AOAH: variants seen among roughly 807,000 people sequenced by gnomAD.
The protein encoded by AOAH is acyloxyacyl hydrolase (neutrophil).
In AOAH, 64 loss-of-function variants were observed where a neutral mutation model predicts 92.2. The ratio of observed to expected loss-of-function variants is 0.69; its 90% CI spans 0.57 to 0.86. The LOEUF (loss-of-function observed/expected upper bound fraction) is 0.86. Ranked by LOEUF, AOAH falls within the 40% of genes least tolerant of loss-of-function variation. The probability of loss-of-function intolerance (pLI) is 0.00; values close to 1 mark genes in which losing one functional copy is unlikely to be tolerated. For synonymous variants in AOAH, 263 were observed against 254.5 expected, an observed-to-expected ratio of 1.03 and a Z score of -0.32; for missense variants, 656 against 694.6, an observed-to-expected ratio of 0.94 and a Z score of 0.62.
intron 19 of AOAH, among the ~76,000 whole-genome samples, chr7:36,527,992 C>G (rs1784491519): frequency 6.6e-6 from 1 of 152,200 alleles, no homozygotes; most frequent in African/African-American, 2.4e-5. Context: ...TTCCTGAAAA[C>G]CAGATAGAAA....
chr7:36,530,633 G>A (rs1298364677), intron 18 of AOAH, 119 bp from the exon 19 acceptor site: 1 of 656,158 alleles, frequency 1.5e-6, no homozygotes, highest in African/African-American at 1.8e-5. Context: ...ATTTCTCCAA[G>A]CCATCAGCAG....
chr7:36,687,930 C>T (rs529261700), intron 1 of AOAH, among the ~76,000 whole-genome samples: 1 of 152,274 alleles, frequency 6.6e-6, no homozygotes, highest in East Asian at 1.9e-4. Context: ...AGTGAAGAAA[C>T]GAGAGTCTTC....
In AOAH at chr7:36,532,270, G is replaced by T; in HGVS notation, c.1365+16C>A. ...GGTAGGTAAGCGGGCCTTGAAGCAA[G>T]CCAGTGAGTGCTCACCTGGAGGCAG... On this transcript the variant is annotated intron_variant, in intron 17 of 20. Transcript: ENST00000617537. 6.2e-7 allele frequency: 1 copy of T among 1,614,104 alleles called. No individual in the cohort carries two copies. The highest frequency in any genetic ancestry group is 8.5e-7 in the Non-Finnish European group (1 of 1,179,954).
At position 36,678,600 on chromosome 7, in the gene AOAH, T is replaced by TGTGTGTGCGTGTGCGC. The variant is rs549317369; in HGVS notation, c.224-4592_224-4591insGCGCACACGCACACAC. On this transcript the variant is annotated intron_variant, in intron 2 of 20. Transcript: ENST00000617537. ...GTGTGTGTGTGTGTGTGTGTGTGTGTGCGCGCGCGCGCGCGTTAGAATTCT... is the reference window on the plus strand; with the variant it reads ...GTGTGTGTGTGTGTGTGTGTGTGTGTGTGTGTGCGTGTGCGCGCGCGCGCGCGCGCGTTAGAATTCT... Among the ~76,000 whole-genome samples the TGTGTGTGCGTGTGCGC allele has an allele frequency of 5.3e-5, 7 of 131,102 alleles. No individual in the cohort carries two copies. In the Admixed American group the frequency reaches 5.4e-4, roughly 10 times the overall value. The allele number at this position is 131,102 out of a possible 152,430, so 86.0% of individuals were successfully genotyped here.
intron 2 of AOAH, among the ~76,000 whole-genome samples, chr7:36,681,491 G>T (rs556220408): frequency 6.6e-6 from 1 of 152,234 alleles, no homozygotes; most frequent in African/African-American, 2.4e-5. Flanking sequence ...GAAAGATGGT[G>T]GTGGAGGCAG....
chr7:36,724,426 G>A lies in AOAH; in HGVS notation c.-278C>T. The stretch of plus-strand genomic sequence containing the variant: ...AGTCTGTGGTGTGCGGTTCTGCTGA[G>A]GTAAAGACTGCAGGATAAAGAAAAC... On this transcript the variant is annotated 5_prime_UTR_variant, in exon 1 of 21. Coordinates refer to ENST00000617537, the MANE Select transcript of AOAH (RefSeq NM_001637.4). 1 of 301,268 alleles carries A rather than the reference G, an allele frequency of 3.3e-6. No homozygotes were observed. The highest frequency in any genetic ancestry group is 6.6e-6 in the Non-Finnish European group (1 of 151,534). The allele number at this position is 301,268 out of a possible 1,614,324, so 18.7% of individuals were successfully genotyped here. A position where few individuals can be genotyped will look rare whatever the true frequency, so the allele number is the denominator to read the frequency against.
At chr7:36,591,943 T>A (rs1399172197) in intron 12 of AOAH, among the ~76,000 whole-genome samples, 1 of 152,220 alleles carries the variant, frequency 6.6e-6, no homozygotes, top group Non-Finnish European at 1.5e-5. Context: ...ATTCCTTGAG[T>A]GACTCCAGTA....
At chr7:36,514,418 C>A in intron 20 of AOAH, 2 of 1,357,800 alleles carry the variant, frequency 1.5e-6, no homozygotes, top group Non-Finnish European at 2.0e-6. Context: ...AGAGAGGAAT[C>A]CTTAGCTTAA....
At chr7:36,569,567 ATATCTATCTATCTATCTATCTATCTATC>A (rs56357618) in intron 13 of AOAH, among the ~76,000 whole-genome samples, 35 of 143,286 alleles carry the variant, frequency 2.4e-4, no homozygotes, top group African/African-American at 7.1e-4. Flanking sequence ...CCAGATTTAC[ATATCTATCTATCTATCTATCTATCTATC>A]TATCTATCTA....
intron 1 of AOAH, among the ~76,000 whole-genome samples, chr7:36,688,251 CTT>C (rs1324358290): frequency 3.3e-5 from 5 of 152,156 alleles, no homozygotes; most frequent in African/African-American, 7.2e-5. Context: ...TAAAAAATAA[CTT>C]TTCAAAAAAT....
At chr7:36,703,591 G>A (rs1479518703) in intron 1 of AOAH, among the ~76,000 whole-genome samples, 3 of 151,956 alleles carry the variant, frequency 2.0e-5, no homozygotes, top group Non-Finnish European at 2.9e-5. Context: ...TCCCCTCCCT[G>A]TGCCCATGTG....
intron 1 of AOAH, among the ~76,000 whole-genome samples, chr7:36,687,088 G>A (rs1191740331): frequency 6.6e-6 from 1 of 152,136 alleles, no homozygotes; most frequent in Non-Finnish European, 1.5e-5. Context: ...CTTGGTAGAA[G>A]GAGAATCCAG....
At chr7:36,585,294 A>C (rs1789239213) in intron 12 of AOAH, among the ~76,000 whole-genome samples, 1 of 152,124 alleles carries the variant, frequency 6.6e-6, no homozygotes, top group African/African-American at 2.4e-5. Flanking sequence ...AGTAGTCAGG[A>C]GGTTACAAGT....
intron 9 of AOAH, among the ~76,000 whole-genome samples, chr7:36,620,358 GGTAAATACTGA>G (rs979155433): frequency 1.3e-5 from 2 of 151,846 alleles, no homozygotes; most frequent in African/African-American, 4.8e-5. Flanking sequence ...TGAGTGGTCG[GGTAAATACTGA>G]GTAATTTCTG....
chr7:36,560,872 G>A (rs573442266), intron 13 of AOAH, among the ~76,000 whole-genome samples: 44 of 152,164 alleles, frequency 2.9e-4, no homozygotes, highest in Non-Finnish European at 5.4e-4. Context: ...TAAATTAGGA[G>A]TAATCAGTCC....
chr7:36,562,660 T>C (rs573832519), intron 13 of AOAH, among the ~76,000 whole-genome samples: 1 of 152,220 alleles, frequency 6.6e-6, no homozygotes, highest in Admixed American at 6.5e-5. Flanking sequence ...CCTCCATAAA[T>C]GCATATTCAG....
chr7:36,524,137 C>T (rs940898706), intron 19 of AOAH, among the ~76,000 whole-genome samples: 13 of 152,124 alleles, frequency 8.5e-5, no homozygotes, highest in African/African-American at 3.1e-4. Context: ...CCTTTTCCCA[C>T]TTTTCCCTTT....
intron 6 of AOAH, among the ~76,000 whole-genome samples, chr7:36,627,024 T>A (rs1021096009): frequency 4.6e-5 from 7 of 152,256 alleles, no homozygotes; most frequent in African/African-American, 1.7e-4. Context: ...TCTAGCTGTA[T>A]GTTGAAATGT....
chr7:36,713,507 C>CA (rs1798915244), intron 1 of AOAH, among the ~76,000 whole-genome samples: 1 of 152,184 alleles, frequency 6.6e-6, no homozygotes, highest in Non-Finnish European at 1.5e-5. Context: ...CTCTCCACCC[C>CA]AAATCAACAG....
Sources: gnomAD v4.1 joint callset for allele counts (sites outside exome capture counted in the v4.1 genomes callset) on GRCh38, gnomAD v4.1.1 for gene constraint, MANE v1.5 for transcripts, NCBI Gene and HGNC (gene_info 2026-07-23, HGNC 2026-07-21) for gene names.